KCTD16: variants seen among roughly 807,000 people sequenced by gnomAD.
The protein encoded by KCTD16 is potassium channel tetramerization domain containing 16.
A neutral mutation model predicts 33.2 loss-of-function variants in KCTD16; 13 were observed. The observed-to-expected ratio is 0.39, with a 90% CI of 0.25 to 0.62. The LOEUF (loss-of-function observed/expected upper bound fraction) is 0.62, where lower values mean the gene tolerates loss of function less well. KCTD16 is among the 20% of genes least tolerant of loss of function. KCTD16 has a pLI of 0.50. For synonymous variants in KCTD16, 197 were observed against 195.3 expected, an observed-to-expected ratio of 1.01 and a Z score of -0.07; for missense variants, 441 against 525.1, an observed-to-expected ratio of 0.84 and a Z score of 1.57.
intron 3 of KCTD16, among the ~76,000 whole-genome samples, chr5:144,358,433 T>G (rs180770058): frequency 7.0e-4 from 106 of 152,324 alleles, no homozygotes; most frequent in African/African-American, 2.4e-3. Flanking sequence ...ACTTTTAATG[T>G]GCTTATATTT....
intron 2 of KCTD16, among the ~76,000 whole-genome samples, chr5:144,176,686 G>T (rs1752515959): frequency 6.6e-6 from 1 of 152,182 alleles, no homozygotes; most frequent in African/African-American, 2.4e-5. Flanking sequence ...ACAGGCGTGA[G>T]CCACCGCGCC....
At chr5:144,460,079 G>A (rs912704094) in intron 3 of KCTD16, among the ~76,000 whole-genome samples, 31 of 151,940 alleles carry the variant, frequency 2.0e-4, no homozygotes, top group Admixed American at 1.0e-3. Context: ...TGATCCGCCC[G>A]CCTCAGCCTC....
At chr5:144,282,796 A>ACTCTTC (rs1755642097) in intron 3 of KCTD16, among the ~76,000 whole-genome samples, 1 of 152,126 alleles carries the variant, frequency 6.6e-6, no homozygotes, top group South Asian at 2.1e-4. Context: ...AGCAAGAGAG[A>ACTCTTC]AGTAAGAAAG....
At position 144,478,597 on chromosome 5, in the gene KCTD16, C is replaced by A. The variant is rs1272117620; in HGVS notation, c.*4483C>A. On this transcript the variant is annotated 3_prime_UTR_variant, in exon 4 of 4. Transcript: ENST00000512467. Reference sequence around the variant, plus strand: ...AAGAGTCTGATTCAGAAACTTGAAGCAGGGCAAAGAAATTTGTATTTTGAG... The same window carrying A: ...AAGAGTCTGATTCAGAAACTTGAAGAAGGGCAAAGAAATTTGTATTTTGAG... The A allele has an allele frequency of 2.0e-5, 3 of 152,016 alleles. No homozygotes were observed. The highest frequency in any genetic ancestry group is 2.9e-5 in the Non-Finnish European group (2 of 67,964). The allele number at this position is 152,016 out of a possible 1,614,324, so 9.4% of individuals were successfully genotyped here. A position where few individuals can be genotyped will look rare whatever the true frequency, so the allele number is the denominator to read the frequency against.
intron 3 of KCTD16, among the ~76,000 whole-genome samples, chr5:144,326,160 G>A (rs1752203153): frequency 6.6e-6 from 1 of 152,090 alleles, no homozygotes; most frequent in African/African-American, 2.4e-5. Flanking sequence ...TTATTAAAGG[G>A]AAGACATCAA....
At chr5:144,220,737 C>G (rs2910105) in intron 3 of KCTD16, among the ~76,000 whole-genome samples, 32,500 of 151,982 alleles carry the variant, frequency 0.21, 4,287 homozygotes, top group Non-Finnish European at 0.3. Context: ...GTCAGGAGAT[C>G]GAGACCATCC....
chr5:144,283,973 A>G (rs752401028), intron 3 of KCTD16, among the ~76,000 whole-genome samples: 13 of 152,200 alleles, frequency 8.5e-5, no homozygotes, highest in Admixed American at 1.3e-4. Context: ...GCTGGATCCA[A>G]TTACTCAAAT....
At chr5:144,219,144 G>T (rs985325826) in intron 3 of KCTD16, among the ~76,000 whole-genome samples, 2 of 152,152 alleles carry the variant, frequency 1.3e-5, no homozygotes, top group Non-Finnish European at 2.9e-5. Context: ...CTAAGCCAAG[G>T]TCATGCCACC....
chr5:144,361,061 G>A (rs866338448), intron 3 of KCTD16, among the ~76,000 whole-genome samples: 2 of 71,598 alleles, frequency 2.8e-5, no homozygotes, highest in East Asian at 3.6e-4. Context: ...CCCCTCCCCC[G>A]ACCCCACAAC....
At chr5:144,192,284 C>A (rs1038929756) in intron 2 of KCTD16, among the ~76,000 whole-genome samples, 1 of 152,118 alleles carries the variant, frequency 6.6e-6, no homozygotes, top group African/African-American at 2.4e-5. Flanking sequence ...CGTCTCAAGT[C>A]GGCTTTGATG....
intron 3 of KCTD16, among the ~76,000 whole-genome samples, chr5:144,293,393 T>C (rs1413157534): frequency 1.3e-5 from 2 of 152,260 alleles, no homozygotes; most frequent in Non-Finnish European, 2.9e-5. Context: ...AATCATTTAA[T>C]GGTCCATGTT....
chr5:144,226,202 C>T (rs1391843247), intron 3 of KCTD16, among the ~76,000 whole-genome samples: 2 of 152,186 alleles, frequency 1.3e-5, no homozygotes, highest in African/African-American at 2.4e-5. Context: ...CTCTTTAGAG[C>T]ACTAAGATTT....
intron 3 of KCTD16, among the ~76,000 whole-genome samples, chr5:144,211,302 GA>G (rs1753383426): frequency 6.6e-6 from 1 of 152,110 alleles, no homozygotes; most frequent in Admixed American, 6.6e-5. Context: ...AAAACAGGTG[GA>G]AATGCATCTA....
rs1473201379 is a variant in KCTD16 at position 144,478,259 on chromosome 5, A to T, written c.*4145A>T. The T allele has an allele frequency of 6.6e-6, 1 of 152,116 alleles. No homozygotes were observed. The highest frequency in any genetic ancestry group is 1.5e-5 in the Non-Finnish European group (1 of 67,980). 9.4% of individuals were successfully genotyped at this position (152,116 alleles called of 1,614,324 possible). ...TTAATATCTGCAGAGAAATTAGACC[A>T]AATGAAACCTGCTGGAATAGGTTTG... On this transcript the variant is annotated 3_prime_UTR_variant, in exon 4 of 4. Coordinates refer to ENST00000512467, the MANE Select transcript of KCTD16 (RefSeq NM_020768.4).
intron 3 of KCTD16, among the ~76,000 whole-genome samples, chr5:144,324,520 T>C (rs578244068): frequency 6.6e-6 from 1 of 152,298 alleles, no homozygotes; most frequent in Non-Finnish European, 1.5e-5. Flanking sequence ...CAGTGTGGCA[T>C]ACCTCAAAGA....
rs986577196 is a variant in KCTD16, at chr5:144,476,898, G to T, written c.*2784G>T. On this transcript the variant is annotated 3_prime_UTR_variant, in exon 4 of 4. Coordinates refer to ENST00000512467, the MANE Select transcript of KCTD16 (RefSeq NM_020768.4). ...TAATTCTGAAGAAAACAATATATAT[G>T]GTTTACTTCTCGAACATTGGTTATG... 1 of 152,006 alleles carries T rather than the reference G, an allele frequency of 6.6e-6. No homozygotes were observed. Among genetic ancestry groups the T allele is most frequent in the Non-Finnish European group, 1.5e-5 (1 of 67,988 alleles). The allele number at this position is 152,006 out of a possible 1,614,324, so 9.4% of individuals were successfully genotyped here.
intron 3 of KCTD16, among the ~76,000 whole-genome samples, chr5:144,315,671 A>G (rs1751887975): frequency 6.6e-6 from 1 of 152,088 alleles, no homozygotes; most frequent in African/African-American, 2.4e-5. Flanking sequence ...TACATGAGAG[A>G]ACTGAGGGAT....
chr5:144,391,299 T>G (rs554009753), intron 3 of KCTD16, among the ~76,000 whole-genome samples: 25 of 152,322 alleles, frequency 1.6e-4, no homozygotes, highest in African/African-American at 6.0e-4. Flanking sequence ...GATTTCAAGG[T>G]CCTTAGAGAT....
chr5:144,341,897 A>G (rs1297069763), intron 3 of KCTD16, among the ~76,000 whole-genome samples: 1 of 152,190 alleles, frequency 6.6e-6, no homozygotes, highest in Non-Finnish European at 1.5e-5. Context: ...CATTTGTGTA[A>G]CAGTAGGATC....
Sources: allele counts gnomAD v4.1 joint callset (sites outside exome capture counted in the v4.1 genomes callset), GRCh38; gene constraint gnomAD v4.1.1; transcripts MANE v1.5; gene names NCBI Gene and HGNC (gene_info 2026-07-23, HGNC 2026-07-21).